Variants in STK32B observed in about 807,000 individuals in gnomAD.
The protein encoded by STK32B is serine/threonine-protein kinase 32B.
A neutral mutation model predicts 52.6 loss-of-function variants in STK32B; 43 were observed. The observed-to-expected ratio is 0.82, with a 90% confidence interval of 0.64 to 1.05. The LOEUF (loss-of-function observed/expected upper bound fraction) is 1.05. Ranked by LOEUF, STK32B falls within the 50% of genes least tolerant of loss-of-function variation. The pLI is 0.00. For missense variants in STK32B, 621 were observed against 534.6 expected (o/e 1.16, Z -1.59); for synonymous variants, 238 against 204.3 (o/e 1.17, Z -1.41).
intron 3 of STK32B, among the ~76,000 whole-genome samples, chr4:5,235,404 T>A (rs1287785668): frequency 6.6e-6 from 1 of 152,164 alleles, no homozygotes; most frequent in Non-Finnish European, 1.5e-5. Flanking sequence ...TTTCCTCATG[T>A]TGGAAAGAGA....
intron 5 of STK32B, among the ~76,000 whole-genome samples, chr4:5,409,556 A>C (rs1737886954): frequency 6.6e-6 from 1 of 152,164 alleles, no homozygotes; most frequent in African/African-American, 2.4e-5. Context: ...AACACTAAAA[A>C]TTTCTGAGCT....
chr4:5,311,566 A>C (rs75887064), intron 3 of STK32B, among the ~76,000 whole-genome samples: 1,564 of 152,228 alleles, frequency 0.01, 27 homozygotes, highest in African/African-American at 0.036. Context: ...AAATGAAAGA[A>C]GAACAAATAA....
chr4:5,209,244 C>T (rs1351244503), intron 3 of STK32B, among the ~76,000 whole-genome samples: 1 of 152,134 alleles, frequency 6.6e-6, no homozygotes, highest in Non-Finnish European at 1.5e-5. Flanking sequence ...TCTTTTGAGA[C>T]AGGGTCCTGC....
chr4:5,383,808 A>C (rs1440819434), intron 4 of STK32B, among the ~76,000 whole-genome samples: 1 of 152,214 alleles, frequency 6.6e-6, no homozygotes, highest in African/African-American at 2.4e-5. Flanking sequence ...GCAGCTCTTT[A>C]CTGAATGTTT....
At chr4:5,362,116 G>C (rs574966418) in intron 4 of STK32B, among the ~76,000 whole-genome samples, 1 of 152,166 alleles carries the variant, frequency 6.6e-6, no homozygotes, top group Non-Finnish European at 1.5e-5. Context: ...AAGATGTATA[G>C]AACACATTTT....
At chr4:5,133,834 A>G (rs1264715636) in intron 1 of STK32B, among the ~76,000 whole-genome samples, 1 of 152,140 alleles carries the variant, frequency 6.6e-6, no homozygotes, top group East Asian at 1.9e-4. Context: ...GTCACTGTCT[A>G]TGGCCGTCAT....
At chr4:5,244,780 T>C (rs1725318483) in intron 3 of STK32B, among the ~76,000 whole-genome samples, 3 of 152,332 alleles carry the variant, frequency 2.0e-5, no homozygotes. Context: ...TGTTGTGTCT[T>C]TGTTCTCACT....
At chr4:5,033,927 G>T in the STK32B span, among the ~76,000 whole-genome samples, 5 of 152,094 alleles carry the variant, frequency 3.3e-5, no homozygotes. Flanking sequence ...AACTCACAAC[G>T]GCTGTGTACT....
chr4:5,307,633 T>G (rs1272430012), intron 3 of STK32B, among the ~76,000 whole-genome samples: 1 of 152,022 alleles, frequency 6.6e-6, no homozygotes, highest in Non-Finnish European at 1.5e-5. Flanking sequence ...ATCCTTCTTC[T>G]GGCAATTCAT....
intron 1 of STK32B, among the ~76,000 whole-genome samples, chr4:5,055,443 G>A (rs1741964994): frequency 6.6e-6 from 1 of 151,890 alleles, no homozygotes; most frequent in Non-Finnish European, 1.5e-5. Context: ...TCCTTACATG[G>A]TCTGTCCCTA....
At chr4:5,180,255 CT>C (rs1720252807) in intron 3 of STK32B, among the ~76,000 whole-genome samples, 3 of 152,236 alleles carry the variant, frequency 2.0e-5, no homozygotes, top group Non-Finnish European at 2.9e-5. Flanking sequence ...CTCAGACAGA[CT>C]CACCATGTCC....
intron 1 of STK32B, among the ~76,000 whole-genome samples, chr4:5,099,613 G>A (rs1228984640): frequency 2.0e-5 from 3 of 152,054 alleles, no homozygotes; most frequent in African/African-American, 7.2e-5. Flanking sequence ...TGATGGAGGT[G>A]GTCTACGAAC....
chr4:5,087,946 C>T (rs1375024285), intron 1 of STK32B, among the ~76,000 whole-genome samples: 1 of 152,016 alleles, frequency 6.6e-6, no homozygotes, highest in African/African-American at 2.4e-5. Context: ...TGAACTATAA[C>T]TGATGGACAT....
intron 3 of STK32B, among the ~76,000 whole-genome samples, chr4:5,183,279 A>T (rs1720494495): frequency 6.6e-6 from 1 of 152,112 alleles, no homozygotes; most frequent in Non-Finnish European, 1.5e-5. Context: ...GGAGTTCAAG[A>T]CCAGCCTGAC....
intron 3 of STK32B, among the ~76,000 whole-genome samples, chr4:5,273,772 C>G (rs2108860470): frequency 7.3e-6 from 1 of 137,526 alleles, no homozygotes. Context: ...TATTCTCACT[C>G]ATAGGTGGGA....
intron 6 of STK32B, among the ~76,000 whole-genome samples, chr4:5,442,387 T>C (rs1320597714): frequency 6.6e-6 from 1 of 152,034 alleles, no homozygotes; most frequent in East Asian, 1.9e-4. Flanking sequence ...TTGATCTTTG[T>C]TGGTTTAAAG....
intron 11 of STK32B, among the ~76,000 whole-genome samples, chr4:5,491,927 C>G (rs548420928): frequency 4.0e-4 from 61 of 152,092 alleles, no homozygotes; most frequent in Non-Finnish European, 6.3e-4. Flanking sequence ...TGTTGTGTTC[C>G]ATTGATGTAT....
chr4:5,491,281 G>C (rs533570340), intron 11 of STK32B, among the ~76,000 whole-genome samples: 74 of 152,298 alleles, frequency 4.9e-4, no homozygotes, highest in African/African-American at 1.8e-3. Context: ...TAACTGGTGT[G>C]AGATGGTATC....
chr4:5,243,791 G>T (rs926356807), intron 3 of STK32B, among the ~76,000 whole-genome samples: 2 of 152,072 alleles, frequency 1.3e-5, no homozygotes, highest in Non-Finnish European at 2.9e-5. Flanking sequence ...AGCATGAAGG[G>T]TTGTTGAATT....
Sources: gnomAD v4.1 joint callset for allele counts (sites outside exome capture counted in the v4.1 genomes callset) on GRCh38, gnomAD v4.1.1 for gene constraint, MANE v1.5 for transcripts, NCBI Gene and HGNC (gene_info 2026-07-23, HGNC 2026-07-21) for gene names.